The following PRKG2 variants were observed in gnomAD, a reference collection of about 807,000 sequenced individuals.
PRKG2 encodes protein kinase cGMP-dependent 2, also known as cGMP-dependent protein kinase 2.
PRKG2 carries 33 observed loss-of-function variants against 97.2 expected under a neutral mutation model. The observed-to-expected ratio is 0.34, with a 90% CI of 0.26 to 0.45. The LOEUF (loss-of-function observed/expected upper bound fraction) is 0.45, where lower values mean the gene tolerates loss of function less well. PRKG2 is among the 20% of genes least tolerant of loss of function. The probability of loss-of-function intolerance (pLI) is 1.00; values close to 1 mark genes in which losing one functional copy is unlikely to be tolerated. For missense variants in PRKG2, 638 were observed against 900.0 expected, an observed-to-expected ratio of 0.71 and a Z score of 3.73; for synonymous variants, 330 against 321.8, an observed-to-expected ratio of 1.03 and a Z score of -0.27.
intron 2 of PRKG2, among the ~76,000 whole-genome samples, chr4:81,178,600 C>A (rs28810974): frequency 6.7e-6 from 1 of 149,484 alleles, no homozygotes; most frequent in Non-Finnish European, 1.5e-5. Flanking sequence ...GTTTGCAATC[C>A]GATAAAATGC....
intron 12 of PRKG2, 97 bp downstream of exon 12, chr4:81,140,436 C>T: frequency 1.8e-6 from 2 of 1,098,584 alleles, no homozygotes; most frequent in Non-Finnish European, 1.2e-6. Context: ...TACTATGTAC[C>T]CACAAAAATT....
chr4:81,161,533 T>C (rs1749592481), intron 6 of PRKG2, among the ~76,000 whole-genome samples: 1 of 152,124 alleles, frequency 6.6e-6, no homozygotes, highest in Non-Finnish European at 1.5e-5. Context: ...AGGGCTTATG[T>C]CATTCTGGAA....
chr4:81,090,234 TGTGA>T (rs1206776562), intron 18 of PRKG2, among the ~76,000 whole-genome samples: 4 of 152,158 alleles, frequency 2.6e-5, no homozygotes, highest in African/African-American at 9.6e-5. Context: ...GGCACACACC[TGTGA>T]TCCCATCTAC....
chr4:81,156,648 C>T (rs1012678431), intron 6 of PRKG2, among the ~76,000 whole-genome samples: 2 of 152,206 alleles, frequency 1.3e-5, no homozygotes, highest in Non-Finnish European at 2.9e-5. Flanking sequence ...CACCACGCCA[C>T]ACCTACTCCA....
At chr4:81,147,968 T>C (rs1392857597) in intron 9 of PRKG2, among the ~76,000 whole-genome samples, 1 of 152,108 alleles carries the variant, frequency 6.6e-6, no homozygotes, top group Admixed American at 6.6e-5. Flanking sequence ...AAGGCATAAA[T>C]TGATCATTGT....
At chr4:81,174,454 A>T (rs2110087080) in intron 3 of PRKG2, among the ~76,000 whole-genome samples, 1 of 152,138 alleles carries the variant, frequency 6.6e-6, no homozygotes, top group South Asian at 2.1e-4. Context: ...ACTGCTTATG[A>T]TCTATGTGGC....
chr4:81,095,193 G>C (rs1286865856), intron 17 of PRKG2, among the ~76,000 whole-genome samples: 1 of 152,192 alleles, frequency 6.6e-6, no homozygotes, highest in Non-Finnish European at 1.5e-5. Context: ...GCAGACACTA[G>C]TGCATTCCAT....
intron 6 of PRKG2, among the ~76,000 whole-genome samples, chr4:81,166,086 T>A (rs1341086676): frequency 1.3e-5 from 2 of 152,154 alleles, no homozygotes; most frequent in African/African-American, 4.8e-5. Flanking sequence ...TGACTTCATA[T>A]CTGAACCCCC....
intron 5 of PRKG2, among the ~76,000 whole-genome samples, chr4:81,168,600 G>A (rs193254409): frequency 6.6e-5 from 10 of 152,142 alleles, no homozygotes; most frequent in Admixed American, 5.9e-4. Context: ...TCAGTTGGTG[G>A]ATTTTGAGAT....
At chr4:81,142,990 TAAG>T (rs774955729) in intron 10 of PRKG2, 43 bp from the exon 11 acceptor site, 13 of 1,536,590 alleles carry the variant, frequency 8.5e-6, no homozygotes, top group Middle Eastern at 1.8e-4. Context: ...CACCCATAAT[TAAG>T]AAGGTGTCAT....
At chr4:81,154,886 A>T (rs1459661144) in intron 6 of PRKG2, among the ~76,000 whole-genome samples, 1 of 152,094 alleles carries the variant, frequency 6.6e-6, no homozygotes, top group Non-Finnish European at 1.5e-5. Flanking sequence ...ATTTAGAAGA[A>T]TGTATAGGCC....
At chr4:81,196,973 GT>G (rs1403110757) in intron 2 of PRKG2, among the ~76,000 whole-genome samples, 6 of 152,102 alleles carry the variant, frequency 3.9e-5, no homozygotes, top group Non-Finnish European at 8.8e-5. Context: ...AAATCGAAAC[GT>G]TTCATCCTTG....
chr4:81,104,259 A>G, intron 17 of PRKG2, 111 bp downstream of exon 17: 1 of 606,412 alleles, frequency 1.6e-6, no homozygotes, highest in Non-Finnish European at 2.6e-6. Flanking sequence ...TATAAAGAAA[A>G]ATTTGAAAGT....
intron 14 of PRKG2, among the ~76,000 whole-genome samples, chr4:81,130,159 G>C (rs1318427663): frequency 6.6e-6 from 1 of 152,054 alleles, no homozygotes; most frequent in Non-Finnish European, 1.5e-5. Context: ...ATTAGATGTT[G>C]GTGACCTTCA....
chr4:81,159,366 C>A (rs1435049959), intron 6 of PRKG2, among the ~76,000 whole-genome samples: 1 of 152,164 alleles, frequency 6.6e-6, no homozygotes, highest in African/African-American at 2.4e-5. Flanking sequence ...AAATGCTCAT[C>A]ATCACTGGCC....
chr4:81,166,995 C>A (rs1750042806), intron 6 of PRKG2, among the ~76,000 whole-genome samples, 166 bp downstream of exon 6: 1 of 152,038 alleles, frequency 6.6e-6, no homozygotes, highest in Non-Finnish European at 1.5e-5. Context: ...CTTTCTCCAC[C>A]CCTTAACACA....
intron 2 of PRKG2, among the ~76,000 whole-genome samples, chr4:81,196,608 C>A (rs528831719): frequency 6.6e-6 from 1 of 152,084 alleles, no homozygotes; most frequent in African/African-American, 2.4e-5. Flanking sequence ...CATTTAAACA[C>A]CTGCTTGAAA....
intron 2 of PRKG2, chr4:81,193,243 A>G (rs1349921163): frequency 6.6e-6 from 1 of 152,164 alleles, no homozygotes; most frequent in Non-Finnish European, 1.5e-5. Flanking sequence ...ACATATGGTA[A>G]GGCATATTTG....
chr4:81,107,187 G>T (rs1424577888), intron 15 of PRKG2, among the ~76,000 whole-genome samples: 2 of 152,128 alleles, frequency 1.3e-5, no homozygotes, highest in African/African-American at 4.8e-5. Flanking sequence ...TATGGGGAAG[G>T]GAATCAAGAG....
Sources: gnomAD v4.1 joint callset for allele counts (sites outside exome capture counted in the v4.1 genomes callset) on GRCh38, gnomAD v4.1.1 for gene constraint, MANE v1.5 for transcripts, NCBI Gene and HGNC (gene_info 2026-07-23, HGNC 2026-07-21) for gene names.